The following FAIM variants were observed in gnomAD, a reference collection of about 807,000 sequenced individuals.
FAIM encodes fas apoptotic inhibitory molecule 1.
In FAIM, 14 loss-of-function variants were observed where a neutral mutation model predicts 21.2. The ratio of observed to expected loss-of-function variants is 0.66; its 90% confidence interval spans 0.44 to 1.03. The LOEUF is 1.03. FAIM is among the 50% of genes least tolerant of loss of function. The pLI is 0.00. For synonymous variants in FAIM, 86 were observed against 80.4 expected (o/e 1.07, Z -0.37); for missense variants, 222 against 247.1 (o/e 0.90, Z 0.68).
chr3:138,622,494 CT>C, intron 4 of FAIM, 78 bp downstream of exon 4: 3 of 929,194 alleles, frequency 3.2e-6, no homozygotes, highest in Non-Finnish European at 4.8e-6. Flanking sequence ...GTATTCAGAC[CT>C]TCTATGGAGG....
chr3:138,622,200 AAAG>A lies in FAIM; in HGVS notation c.192_194del (p.Glu65del). 1 of 1,606,604 alleles carries A rather than the reference AAAG, an allele frequency of 6.2e-7. No individual in the cohort carries two copies. The highest frequency in any genetic ancestry group is 8.5e-7 in the Non-Finnish European group (1 of 1,177,920). On this transcript the variant is annotated inframe_deletion, in exon 4 of 6. Coordinates refer to ENST00000360570, the MANE Select transcript of FAIM (RefSeq NM_001033031.2). ...TTTTATTATGTAGGAAGAGATAAGA[AAAG>A]AGTGGATGTTCAAATTAGTGGGCAA...
intron 1 of FAIM, among the ~76,000 whole-genome samples, chr3:138,609,532 A>C (rs1577001859): frequency 4.4e-4 from 9 of 20,362 alleles, no homozygotes; most frequent in African/African-American, 1.3e-3. Flanking sequence ...AAAGTGCTGA[A>C]ACTCTCTCTC....
chr3:138,611,291 T>A (rs949760247), intron 1 of FAIM, among the ~76,000 whole-genome samples: 3 of 151,908 alleles, frequency 2.0e-5, no homozygotes, highest in African/African-American at 4.8e-5. Flanking sequence ...TTTTTTTTTT[T>A]AACAACGTTA....
At chr3:138,609,879 C>T (rs1024946424) in intron 1 of FAIM, among the ~76,000 whole-genome samples, 1 of 152,088 alleles carries the variant, frequency 6.6e-6, no homozygotes, top group Non-Finnish European at 1.5e-5. Flanking sequence ...ATAGAATCCA[C>T]GGTCTATACC....
chr3:138,620,470 C>T (rs1478301811), intron 2 of FAIM, among the ~76,000 whole-genome samples: 1 of 152,062 alleles, frequency 6.6e-6, no homozygotes, highest in African/African-American at 2.4e-5. Flanking sequence ...AAGTATATGC[C>T]AGAAATCTCT....
At chr3:138,623,031 C>T (rs1672933) in intron 4 of FAIM, among the ~76,000 whole-genome samples, 69,346 of 148,768 alleles carry the variant, frequency 0.47, 18,376 homozygotes, top group South Asian at 0.63. Flanking sequence ...AAGCAAGACT[C>T]CATCTCAAAA....
chr3:138,631,303 T>G (rs2043002754), intron 5 of FAIM, among the ~76,000 whole-genome samples: 1 of 151,896 alleles, frequency 6.6e-6, no homozygotes, highest in South Asian at 2.1e-4. Context: ...TGGTCCCCGC[T>G]GCTCAGGAGG....
At chr3:138,632,764 A>T (rs2043019042) in intron 5 of FAIM, among the ~76,000 whole-genome samples, 166 bp from the exon 6 acceptor site, 1 of 152,264 alleles carries the variant, frequency 6.6e-6, no homozygotes, top group Non-Finnish European at 1.5e-5. Flanking sequence ...TTCATAACAG[A>T]AATGTAAAAG....
intron 1 of FAIM, among the ~76,000 whole-genome samples, chr3:138,617,241 C>G (rs1314781066): frequency 6.6e-6 from 1 of 151,376 alleles, no homozygotes; most frequent in Non-Finnish European, 1.5e-5. Context: ...GGTTTGAATA[C>G]CTACATTACT....
At chr3:138,624,044 T>C (rs1481717371) in intron 4 of FAIM, among the ~76,000 whole-genome samples, 1 of 152,186 alleles carries the variant, frequency 6.6e-6, no homozygotes, top group Non-Finnish European at 1.5e-5. Context: ...TTTTTTTCTT[T>C]CCAGAAGGTT....
rs572971730 is a variant in FAIM at position 138,624,937 on chromosome 3, G to C, written c.406+2521G>C. Among the ~76,000 whole-genome samples, 5 of 151,244 alleles carry C rather than the reference G, an allele frequency of 3.3e-5. No individual in the cohort carries two copies. The East Asian group carries it at 9.8e-4, about 30-fold the overall frequency. On this transcript the variant is annotated intron_variant, in intron 4 of 5. Transcript: ENST00000360570. ...TCCCAGCACTTTGGGAGGCTGAAGT[G>C]GGAGGATCGCTTGAGCCCAGGAGTT...
chr3:138,618,043 C>CT (rs1560494960), intron 1 of FAIM, among the ~76,000 whole-genome samples: 1 of 150,840 alleles, frequency 6.6e-6, no homozygotes, highest in Non-Finnish European at 1.5e-5. Flanking sequence ...GGCATGATCA[C>CT]TGCAGCCACT....
At chr3:138,617,862 C>G (rs2042844322) in intron 1 of FAIM, among the ~76,000 whole-genome samples, 1 of 144,946 alleles carries the variant, frequency 6.9e-6, no homozygotes, top group African/African-American at 2.5e-5. Flanking sequence ...TCTATATTAT[C>G]TAATTAGATA....
intron 1 of FAIM, among the ~76,000 whole-genome samples, chr3:138,609,541 T>TC (rs1204568453): frequency 1.4e-3 from 20 of 13,962 alleles, no homozygotes; most frequent in African/African-American, 4.7e-3. Flanking sequence ...AAACTCTCTC[T>TC]CTCTCTCTCT....
chr3:138,616,015 C>T (rs555183665), intron 1 of FAIM, among the ~76,000 whole-genome samples: 1 of 152,272 alleles, frequency 6.6e-6, no homozygotes, highest in South Asian at 2.1e-4. Flanking sequence ...TTTCTTTGCT[C>T]TGTGTGCATT....
chr3:138,625,731 T>C (rs1707379759), intron 4 of FAIM, among the ~76,000 whole-genome samples: 1 of 152,204 alleles, frequency 6.6e-6, no homozygotes, highest in Non-Finnish European at 1.5e-5. Context: ...CTTTATATAA[T>C]TATTTCTAAC....
intron 2 of FAIM, among the ~76,000 whole-genome samples, chr3:138,620,998 T>C (rs1367068617): frequency 6.6e-6 from 1 of 152,096 alleles, no homozygotes; most frequent in Non-Finnish European, 1.5e-5. Context: ...TGTTTTAGAG[T>C]GATTAGACCT....
At chr3:138,631,618 T>C (rs1458554240) in intron 5 of FAIM, among the ~76,000 whole-genome samples, 2 of 152,168 alleles carry the variant, frequency 1.3e-5, no homozygotes, top group Non-Finnish European at 2.9e-5. Flanking sequence ...TCCCCAGTAC[T>C]GTACGTACCC....
chr3:138,632,847 C>T, intron 5 of FAIM, 83 bp from the exon 6 acceptor site: 3 of 1,336,220 alleles, frequency 2.2e-6, no homozygotes, highest in Non-Finnish European at 3.1e-6. Context: ...TATTGCACTA[C>T]TAGTACTTTT....
Sources: allele counts gnomAD v4.1 joint callset (sites outside exome capture counted in the v4.1 genomes callset), GRCh38; gene constraint gnomAD v4.1.1; transcripts MANE v1.5; gene names NCBI Gene and HGNC (gene_info 2026-07-23, HGNC 2026-07-21).